The following NINL variants were observed in gnomAD, a reference collection of about 807,000 sequenced individuals.
NINL encodes ninein-like protein.
A neutral mutation model predicts 160.3 loss-of-function variants in NINL; 153 were observed. The observed-to-expected ratio is 0.95, with a 90% CI of 0.84 to 1.09. NINL has a LOEUF of 1.09. NINL is among the 50% of genes least tolerant of loss of function. NINL has a pLI of 0.00. For missense variants in NINL, 1,829 were observed against 1,764.0 expected (o/e 1.04, Z -0.66); for synonymous variants, 800 against 734.8 (o/e 1.09, Z -1.43).
chr20:25,502,399 G>A, intron 7 of NINL, among the ~76,000 whole-genome samples: 1 of 152,288 alleles, frequency 6.6e-6, no homozygotes, highest in East Asian at 1.9e-4. Context: ...CAGCAGCAAG[G>A]AAGTATCCAG....
At chr20:25,539,819 G>T (rs1176791817) in intron 1 of NINL, among the ~76,000 whole-genome samples, 1 of 152,222 alleles carries the variant, frequency 6.6e-6, no homozygotes, top group Admixed American at 6.5e-5. Context: ...GCAGAGGCAA[G>T]GACACCCCTT....
chr20:25,570,410 T>C lies in NINL; in HGVS notation c.-12+15045A>G, dbSNP rs531884408. On this transcript the variant is annotated intron_variant, in intron 1 of 23. Coordinates refer to ENST00000278886, the MANE Select transcript of NINL (RefSeq NM_025176.6). ...CATGAGATTTGGTTGTTTAAAGGCA[T>C]GTGGCACCTCCTCGCTTGCTCTCTC... Among the ~76,000 whole-genome samples, 16 of 152,200 alleles carry C rather than the reference T, an allele frequency of 1.1e-4. No homozygotes were observed. In the South Asian group the frequency reaches 2.3e-3, roughly 22 times the overall value.
intron 10 of NINL, among the ~76,000 whole-genome samples, chr20:25,495,757 C>T (rs1258119262): frequency 6.6e-6 from 1 of 152,268 alleles, no homozygotes; most frequent in Admixed American, 6.5e-5. Flanking sequence ...AGAAGCCCCT[C>T]TCCCTGCCTG....
At position 25,480,234 on chromosome 20, in the gene NINL, C is replaced by T. The variant is rs951036248; in HGVS notation, c.1844G>A (p.Ser615Asn). Residue 615 changes from serine (S) to asparagine (N), a missense_variant, in exon 15 of 24, where the codon AGT becomes AAT. Ser to Asn is a conservative substitution (Grantham distance 46). Coordinates refer to ENST00000278886, the MANE Select transcript of NINL (RefSeq NM_025176.6). ...ISFLGNSAPV[S>N]IETELMMEQV... ...CTCCATCATCAGCTCCGTTTCTATA[C>T]TCACTGGAGCAGAATTACCCAGGAA... The T allele has an allele frequency of 6.2e-7, 1 of 1,613,922 alleles. No individual in the cohort carries two copies. The highest frequency in any genetic ancestry group is 1.3e-5 in the African/African-American group (1 of 74,894).
chr20:25,578,502 G>A (rs2065140290), intron 1 of NINL, among the ~76,000 whole-genome samples: 2 of 152,036 alleles, frequency 1.3e-5, no homozygotes, highest in South Asian at 4.1e-4. Context: ...CTTAAAAATG[G>A]AATTTGATTA....
intron 1 of NINL, among the ~76,000 whole-genome samples, chr20:25,532,296 G>A (rs2064478656): frequency 6.6e-6 from 1 of 152,188 alleles, no homozygotes; most frequent in Non-Finnish European, 1.5e-5. Context: ...TCGAGGCTGG[G>A]CTAGGATTTC....
intron 2 of NINL, among the ~76,000 whole-genome samples, chr20:25,524,158 A>C (rs1338612830): frequency 6.6e-6 from 1 of 152,194 alleles, no homozygotes; most frequent in East Asian, 1.9e-4. Context: ...GGTATGAAGC[A>C]GAGAAGCAAG....
Position 25,517,606 on chromosome 20 carries a change from G to GT in NINL, c.277+146dup, listed in dbSNP as rs201404747. 706 of 623,960 alleles carry GT rather than the reference G, an allele frequency of 1.1e-3. 12 individuals carry two copies. In the East Asian group the frequency reaches 0.017, roughly 15 times the overall value. The allele number at this position is 623,960 out of a possible 1,614,324, so 38.7% of individuals were successfully genotyped here. ...AACCAAGGAAGAGAAAACATCAAGTGTTTTTTCCAAGTCCATATACCTTGG... is the reference window on the plus strand; with the variant it reads ...AACCAAGGAAGAGAAAACATCAAGTGTTTTTTTCCAAGTCCATATACCTTGG... On this transcript the variant is annotated intron_variant, in intron 3 of 23. Transcript: ENST00000278886.
intron 1 of NINL, among the ~76,000 whole-genome samples, chr20:25,569,223 GTC>G: frequency 1.5e-5 from 2 of 135,458 alleles, no homozygotes; most frequent in Admixed American, 1.6e-4. Context: ...GCGAGACTCT[GTC>G]TCAAAAAAAA....
Position 25,477,071 on chromosome 20 carries a change from C to A in NINL, c.2220G>T (p.Glu740Asp). Residue 740 changes from glutamate (E) to aspartate (D), a missense_variant, in exon 17 of 24, where the codon GAG becomes GAT. By Grantham distance (45) the Glu-to-Asp change is conservative. Coordinates refer to ENST00000278886, the MANE Select transcript of NINL (RefSeq NM_025176.6). The stretch of plus-strand genomic sequence containing the variant: ...CCAGCCCCGACAGCTCTCCACTCAG[C>A]TCCGCCTCAGCCTCTCTCCTGTGGA... ...LQQIRREAEA[E>D]LSGELSGLGA... is the part of the protein sequence containing the mutation. 1 of 1,596,274 alleles carries A rather than the reference C, an allele frequency of 6.3e-7. No homozygotes were observed.
At chr20:25,501,574 G>T (rs1356353022) in intron 7 of NINL, among the ~76,000 whole-genome samples, 1 of 152,174 alleles carries the variant, frequency 6.6e-6, no homozygotes, top group African/African-American at 2.4e-5. Flanking sequence ...AGCTCAGGAG[G>T]CATCTCCCCA....
At chr20:25,461,439 G>T in intron 21 of NINL, 83 bp downstream of exon 21, 2 of 798,262 alleles carry the variant, frequency 2.5e-6, no homozygotes, top group Non-Finnish European at 4.1e-6. Flanking sequence ...GCTGGAGGAG[G>T]CCTGGCAACA....
At chr20:25,567,351 A>G (rs1171235061) in intron 1 of NINL, among the ~76,000 whole-genome samples, 2 of 152,170 alleles carry the variant, frequency 1.3e-5, no homozygotes, top group Non-Finnish European at 2.9e-5. Context: ...AGAGGAAGAA[A>G]TGTTTGAAGT....
intron 17 of NINL, among the ~76,000 whole-genome samples, chr20:25,473,534 A>T (rs2063157415): frequency 6.6e-6 from 1 of 151,704 alleles, no homozygotes; most frequent in Non-Finnish European, 1.5e-5. Flanking sequence ...AAAATAAAAC[A>T]AAGTGGCCAG....
At chr20:25,533,595 A>C (rs1312044297) in intron 1 of NINL, among the ~76,000 whole-genome samples, 2 of 152,220 alleles carry the variant, frequency 1.3e-5, no homozygotes, top group African/African-American at 4.8e-5. Flanking sequence ...ACATAGACCC[A>C]TGGAACAGAA....
chr20:25,467,816 C>G (rs1202157307), intron 18 of NINL, among the ~76,000 whole-genome samples: 1 of 152,222 alleles, frequency 6.6e-6, no homozygotes, highest in African/African-American at 2.4e-5. Context: ...TAACACTTCA[C>G]ACTCAGCAGA....
At chr20:25,558,296 C>T (rs889227994) in intron 1 of NINL, among the ~76,000 whole-genome samples, 8 of 152,198 alleles carry the variant, frequency 5.3e-5, no homozygotes, top group South Asian at 2.1e-4. Flanking sequence ...AAACCTCCGT[C>T]GCCTGGATTC....
rs73335306 is a variant in NINL at position 25,467,075 on chromosome 20, G to A, written c.3423+314C>T. Among the ~76,000 whole-genome samples the A allele has an allele frequency of 6.7e-3, 1,018 of 152,290 alleles. 16 individuals carry two copies. The highest frequency in any genetic ancestry group is 0.023 in the African/African-American group (953 of 41,568). On this transcript the variant is annotated intron_variant, in intron 19 of 23. Coordinates refer to ENST00000278886, the MANE Select transcript of NINL (RefSeq NM_025176.6). ...ACACAGACAGTGCCTGCCTGCCAGC[G>A]TCTATGAGAAGCTGCTCACAGTTTC... is the stretch of plus-strand genomic sequence containing the variant.
chr20:25,483,457 G>A (rs1234757926), intron 13 of NINL, among the ~76,000 whole-genome samples: 1 of 152,380 alleles, frequency 6.6e-6, no homozygotes, highest in East Asian at 1.9e-4. Context: ...CCCTGGGTAA[G>A]GATAGGATTC....
Sources: allele counts gnomAD v4.1 joint callset (sites outside exome capture counted in the v4.1 genomes callset), GRCh38; gene constraint gnomAD v4.1.1; transcripts MANE v1.5; gene names NCBI Gene and HGNC (gene_info 2026-07-23, HGNC 2026-07-21).